The following TBCK variants were observed in gnomAD, a reference collection of about 807,000 sequenced individuals.
The protein encoded by TBCK is TBC domain-containing protein kinase-like protein.
TBCK carries 99 observed loss-of-function variants against 113.4 expected under a neutral mutation model. That is an observed-to-expected ratio of 0.87 (90% confidence interval 0.74 to 1.03). TBCK has a LOEUF of 1.03. TBCK is among the 50% of genes least tolerant of loss of function. The probability of loss-of-function intolerance (pLI) is 0.00; values close to 1 mark genes in which losing one functional copy is unlikely to be tolerated. For synonymous variants in TBCK, 369 were observed against 370.8 expected (o/e 1.00, Z 0.05); for missense variants, 1,045 against 1,061.3 (o/e 0.98, Z 0.21).
At chr4:106,272,636 C>T (rs572543600) in intron 3 of TBCK, among the ~76,000 whole-genome samples, 43 of 151,572 alleles carry the variant, frequency 2.8e-4, no homozygotes, top group Non-Finnish European at 5.5e-4. Flanking sequence ...GGACTACAGG[C>T]GCATGCCACC....
At chr4:106,187,646 C>T (rs1044096222) in intron 22 of TBCK, among the ~76,000 whole-genome samples, 7 of 152,108 alleles carry the variant, frequency 4.6e-5, no homozygotes, top group Non-Finnish European at 1.0e-4. Flanking sequence ...GAACTCCTGA[C>T]CTTGTGATCT....
At chr4:106,208,819 G>GT (rs1039143046) in intron 20 of TBCK, among the ~76,000 whole-genome samples, 1 of 152,160 alleles carries the variant, frequency 6.6e-6, no homozygotes, top group African/African-American at 2.4e-5. Context: ...TGAAAGAACT[G>GT]TTAGCATGCT....
intron 2 of TBCK, among the ~76,000 whole-genome samples, chr4:106,300,187 A>G (rs891373944): frequency 4.6e-5 from 7 of 152,184 alleles, no homozygotes; most frequent in African/African-American, 1.7e-4. Context: ...TTCCACCATG[A>G]ATGTGAGGCC....
chr4:106,215,737 A>G lies in TBCK; in HGVS notation c.1775-2902T>C, dbSNP rs571626459. Among the ~76,000 whole-genome samples the G allele has an allele frequency of 1.9e-4, 29 of 151,592 alleles. No individual in the cohort carries two copies. In the South Asian group the frequency reaches 3.4e-3, roughly 18 times the overall value. ...AAAGCAAGTCCTGAGTGACCTACAA[A>G]GAGACTTAGACTCCCACACATTAAT... On this transcript the variant is annotated intron_variant, in intron 19 of 25. Coordinates refer to ENST00000394708, the MANE Select transcript of TBCK (RefSeq NM_001163435.3).
At chr4:106,262,447 T>A (rs1392360058) in intron 3 of TBCK, among the ~76,000 whole-genome samples, 2 of 152,070 alleles carry the variant, frequency 1.3e-5, no homozygotes, top group Non-Finnish European at 2.9e-5. Flanking sequence ...TAAAGGCTAC[T>A]GTAATAGCAG....
intron 3 of TBCK, among the ~76,000 whole-genome samples, chr4:106,275,816 C>G (rs1037938603): frequency 6.6e-6 from 1 of 152,036 alleles, no homozygotes; most frequent in African/African-American, 2.4e-5. Flanking sequence ...TAGTGGAAGA[C>G]TCAATATTTT....
intron 2 of TBCK, among the ~76,000 whole-genome samples, chr4:106,298,190 T>C (rs1325510354): frequency 2.0e-5 from 3 of 152,234 alleles, no homozygotes; most frequent in South Asian, 2.1e-4. Flanking sequence ...ACCTTATCCA[T>C]GGTTTTACTT....
At chr4:106,243,814 G>C (rs912512240) in intron 11 of TBCK, among the ~76,000 whole-genome samples, 38 of 152,162 alleles carry the variant, frequency 2.5e-4, no homozygotes, top group African/African-American at 8.7e-4. Context: ...GCAGCTGCCT[G>C]AGTAGCTAGG....
chr4:106,236,690 A>G (rs1225270682), intron 13 of TBCK, 69 bp downstream of exon 13: 17 of 1,054,018 alleles, frequency 1.6e-5, no homozygotes, highest in Non-Finnish European at 2.2e-5. Context: ...AAGAAAATGT[A>G]TAAAATTCTT....
intron 19 of TBCK, among the ~76,000 whole-genome samples, chr4:106,220,508 C>A (rs1457833527): frequency 6.6e-6 from 1 of 151,864 alleles, no homozygotes; most frequent in Non-Finnish European, 1.5e-5. Flanking sequence ...TGTCACATAT[C>A]CTACACAGAA....
rs905676943 is a variant in TBCK, at chr4:106,186,931, G to A, written c.2059+6678C>T. Among the ~76,000 whole-genome samples the A allele has an allele frequency of 5.3e-5, 8 of 152,042 alleles. 1 individual carries two copies. Among genetic ancestry groups the A allele is most frequent in the South Asian group, 4.1e-4 (2 of 4,826 alleles). ...ATCTTCATATATGATGAAAGGAAGC[G>A]CTCCAGTTTCAATCTTCTGCATACA... On this transcript the variant is annotated intron_variant, in intron 22 of 25. Coordinates refer to ENST00000394708, the MANE Select transcript of TBCK (RefSeq NM_001163435.3).
At chr4:106,260,036 A>T (rs1237151954) in intron 5 of TBCK, among the ~76,000 whole-genome samples, 1 of 151,946 alleles carries the variant, frequency 6.6e-6, no homozygotes, top group Non-Finnish European at 1.5e-5. Flanking sequence ...GAGAAAAGGG[A>T]ATTAAACATA....
At chr4:106,166,800 T>C (rs1416247875) in intron 23 of TBCK, among the ~76,000 whole-genome samples, 1 of 151,678 alleles carries the variant, frequency 6.6e-6, no homozygotes, top group East Asian at 1.9e-4. Context: ...TAATACATTA[T>C]CACAATAAAA....
rs567176512 is a variant in TBCK, at chr4:106,202,905, T to G, written c.1861-8151A>C. Among the ~76,000 whole-genome samples the G allele has an allele frequency of 3.3e-5, 5 of 152,244 alleles. No individual in the cohort carries two copies. In the East Asian group the frequency reaches 9.6e-4, roughly 29 times the overall value. ...GTAATATTTGATTTTTTATGATATTTGTGCACCAAAATTTTTGATACAGTT... is the reference window on the plus strand; with the variant it reads ...GTAATATTTGATTTTTTATGATATTGGTGCACCAAAATTTTTGATACAGTT... On this transcript the variant is annotated intron_variant, in intron 20 of 25. Coordinates refer to ENST00000394708, the MANE Select transcript of TBCK (RefSeq NM_001163435.3).
At chr4:106,069,653 TTAAAG>T (rs1443903171) in intron 25 of TBCK, among the ~76,000 whole-genome samples, 30 of 152,214 alleles carry the variant, frequency 2.0e-4, no homozygotes, top group African/African-American at 6.3e-4. Context: ...CATATGAACT[TTAAAG>T]TAGTTTTTTC....
At chr4:106,304,160 C>T (rs1767252152) in intron 2 of TBCK, among the ~76,000 whole-genome samples, 1 of 152,128 alleles carries the variant, frequency 6.6e-6, no homozygotes, top group South Asian at 2.1e-4. Flanking sequence ...TGCTTCCCAG[C>T]CTGTCACAGT....
At chr4:106,088,322 G>A (rs1471182903) in intron 25 of TBCK, among the ~76,000 whole-genome samples, 1 of 152,074 alleles carries the variant, frequency 6.6e-6, no homozygotes, top group Non-Finnish European at 1.5e-5. Context: ...CTCAAAAGAA[G>A]ACGTTTACAC....
chr4:106,270,624 A>G (rs1001197556), intron 3 of TBCK, among the ~76,000 whole-genome samples: 6 of 152,208 alleles, frequency 3.9e-5, no homozygotes, highest in Non-Finnish European at 7.3e-5. Flanking sequence ...AATTTCTATT[A>G]CTGTTCAGAA....
At chr4:106,095,959 G>A (rs971895509) in intron 24 of TBCK, among the ~76,000 whole-genome samples, 3 of 152,124 alleles carry the variant, frequency 2.0e-5, no homozygotes, top group Non-Finnish European at 2.9e-5. Context: ...TGGAGATGGT[G>A]GAGATGGACT....
Sources: allele counts gnomAD v4.1 joint callset (sites outside exome capture counted in the v4.1 genomes callset), GRCh38; gene constraint gnomAD v4.1.1; transcripts MANE v1.5; gene names NCBI Gene and HGNC (gene_info 2026-07-23, HGNC 2026-07-21).